Variants in FRMD3 observed in about 807,000 individuals in gnomAD.
The protein encoded by FRMD3 is FERM domain containing 3.
A neutral mutation model predicts 70.2 loss-of-function variants in FRMD3; 33 were observed. The ratio of observed to expected loss-of-function variants is 0.47; its 90% CI spans 0.36 to 0.63. The LOEUF is 0.63. Among genes scored for constraint, FRMD3 ranks in the 20% least tolerant of loss-of-function variants. FRMD3 has a pLI of 0.00. For missense variants in FRMD3, 632 were observed against 711.4 expected (o/e 0.89, Z 1.27); for synonymous variants, 279 against 255.9 (o/e 1.09, Z -0.86).
At chr9:83,339,261 T>C (rs925750613) in intron 5 of FRMD3, among the ~76,000 whole-genome samples, 38 of 152,266 alleles carry the variant, frequency 2.5e-4, no homozygotes, top group Non-Finnish European at 4.6e-4. Flanking sequence ...CCCTAAAGCT[T>C]GTCTTTAACT....
intron 3 of FRMD3, among the ~76,000 whole-genome samples, chr9:83,366,567 C>G (rs1362699733): frequency 2.0e-5 from 3 of 151,844 alleles, no homozygotes; most frequent in Admixed American, 2.0e-4. Context: ...GAGCAAATCT[C>G]TGTCTCAAAA....
intron 1 of FRMD3, among the ~76,000 whole-genome samples, chr9:83,424,544 C>G (rs78181321): frequency 0.013 from 1,906 of 152,124 alleles, 49 homozygotes; most frequent in African/African-American, 0.044. Context: ...CAGGCATGTG[C>G]AAAAATTCAA....
At chr9:83,442,004 A>G (rs1283096584) in intron 1 of FRMD3, among the ~76,000 whole-genome samples, 1 of 152,214 alleles carries the variant, frequency 6.6e-6, no homozygotes, top group Admixed American at 6.5e-5. Context: ...AGTACAGCAT[A>G]AAGAACGTGC....
At chr9:83,309,716 A>G in intron 9 of FRMD3, 92 bp from the exon 10 acceptor site, 1 of 688,732 alleles carries the variant, frequency 1.5e-6, no homozygotes, top group South Asian at 2.0e-5. Flanking sequence ...ACCTCTTTGT[A>G]TCCTATCTCC....
At chr9:83,363,163 A>C (rs1384268798) in intron 3 of FRMD3, among the ~76,000 whole-genome samples, 1 of 152,204 alleles carries the variant, frequency 6.6e-6, no homozygotes, top group Non-Finnish European at 1.5e-5. Flanking sequence ...CGAAAGCCTC[A>C]TGTCCCTATA....
the FRMD3 span, among the ~76,000 whole-genome samples, chr9:83,568,464 AAG>A: frequency 6.6e-6 from 1 of 152,226 alleles, no homozygotes; most frequent in Non-Finnish European, 1.5e-5. Context: ...TGCCTTTAAA[AAG>A]AGAGAAATCT....
chr9:83,309,996 A>G (rs960448209), intron 9 of FRMD3, among the ~76,000 whole-genome samples: 1 of 152,208 alleles, frequency 6.6e-6, no homozygotes, highest in Non-Finnish European at 1.5e-5. Flanking sequence ...AAATTTCTAG[A>G]GCTACCTCTG....
chr9:83,299,914 C>T (rs1587696375), intron 10 of FRMD3, among the ~76,000 whole-genome samples: 1 of 152,222 alleles, frequency 6.6e-6, no homozygotes, highest in East Asian at 1.9e-4. Context: ...GAAGGCTGCA[C>T]ACAGGGCACT....
intron 12 of FRMD3, among the ~76,000 whole-genome samples, chr9:83,294,455 G>A (rs535027150): frequency 6.6e-6 from 1 of 152,270 alleles, no homozygotes; most frequent in African/African-American, 2.4e-5. Context: ...TTTTAAAGGT[G>A]CCAACTGATC....
At chr9:83,390,458 A>T (rs1587807314) in intron 1 of FRMD3, among the ~76,000 whole-genome samples, 1 of 152,320 alleles carries the variant, frequency 6.6e-6, no homozygotes, top group East Asian at 1.9e-4. Flanking sequence ...AAACCAACAC[A>T]GAAAGGCAGT....
chr9:83,366,247 C>T lies in FRMD3; in HGVS notation c.295+6666G>A, dbSNP rs138290445. On this transcript the variant is annotated intron_variant, in intron 3 of 13. Transcript: ENST00000304195. Reference sequence around the variant, plus strand: ...ACATTTAAATTATGTATTGACTGAGCGATTTTCTGAAAGTGATCAAATTCA... The same window carrying T: ...ACATTTAAATTATGTATTGACTGAGTGATTTTCTGAAAGTGATCAAATTCA... Among the ~76,000 whole-genome samples, 860 of 152,110 alleles carry T rather than the reference C, an allele frequency of 5.7e-3. 9 individuals carry two copies. The highest frequency in any genetic ancestry group is 0.019 in the African/African-American group (805 of 41,516).
chr9:83,572,894 T>C, the FRMD3 span, among the ~76,000 whole-genome samples: 1 of 152,230 alleles, frequency 6.6e-6, no homozygotes, highest in East Asian at 1.9e-4. Flanking sequence ...TACATTTATC[T>C]TTTCCTGTTA....
chr9:83,375,002 T>C (rs1207647137), intron 2 of FRMD3, among the ~76,000 whole-genome samples: 1 of 152,246 alleles, frequency 6.6e-6, no homozygotes, highest in South Asian at 2.1e-4. Context: ...CAAATTCTCC[T>C]TGTTTGGCAT....
chr9:83,333,293 G>T (rs1479861799), intron 6 of FRMD3, among the ~76,000 whole-genome samples: 1 of 152,186 alleles, frequency 6.6e-6, no homozygotes, highest in Non-Finnish European at 1.5e-5. Flanking sequence ...CTTCACAAAG[G>T]CTTAATGGAT....
intron 1 of FRMD3, among the ~76,000 whole-genome samples, chr9:83,421,168 C>T (rs1826630475): frequency 6.6e-6 from 1 of 151,368 alleles, no homozygotes. Context: ...TCTCGATCTC[C>T]TGACCTCATG....
At chr9:83,507,166 G>A (rs1203174280) in intron 1 of FRMD3, among the ~76,000 whole-genome samples, 1 of 150,618 alleles carries the variant, frequency 6.6e-6, no homozygotes, top group Non-Finnish European at 1.5e-5. Context: ...TTCGAGACCA[G>A]CCTGGCCAAC....
chr9:83,311,855 A>C (rs373548995), intron 8 of FRMD3, 32 bp downstream of exon 8: 40 of 1,473,986 alleles, frequency 2.7e-5, no homozygotes, highest in African/African-American at 4.2e-5. Context: ...ATTAAGAAAA[A>C]TGGAAAGCCA....
chr9:83,445,080 A>C (rs1460167333), intron 1 of FRMD3, among the ~76,000 whole-genome samples: 1 of 152,234 alleles, frequency 6.6e-6, no homozygotes, highest in African/African-American at 2.4e-5. Flanking sequence ...AATCTATTAG[A>C]TATAAATTAA....
chr9:83,309,616 G>A lies in FRMD3; in HGVS notation c.846C>T (p.Ala282=). Residue 282 remains alanine, a synonymous_variant, in exon 10 of 14, where the codon GCC becomes GCT. Coordinates refer to ENST00000304195, the MANE Select transcript of FRMD3 (RefSeq NM_174938.6). ...YVIGTQKEKK[A]MLAFHTSTPA... ...GTGTTGAAGTATGGAATGCCAACAT[G>A]GCTTTTTTCTAATTAAAAAATAACA... 1 of 1,573,108 alleles carries A rather than the reference G, an allele frequency of 6.4e-7. No homozygotes were observed. Among genetic ancestry groups the A allele is most frequent in the East Asian group, 2.3e-5 (1 of 44,414 alleles).
Sources: allele counts gnomAD v4.1 joint callset (sites outside exome capture counted in the v4.1 genomes callset), GRCh38; gene constraint gnomAD v4.1.1; transcripts MANE v1.5; gene names NCBI Gene and HGNC (gene_info 2026-07-23, HGNC 2026-07-21).